ATXN7L1: variants seen among roughly 807,000 people sequenced by gnomAD.
The protein encoded by ATXN7L1 is ataxin-7-like protein 1.
ATXN7L1 carries 15 observed loss-of-function variants against 70.8 expected under a neutral mutation model. That is an observed-to-expected ratio of 0.21 (90% CI 0.14 to 0.33). The LOEUF (loss-of-function observed/expected upper bound fraction) is 0.33. ATXN7L1 is among the 10% of genes least tolerant of loss of function. The pLI is 1.00. For synonymous variants in ATXN7L1, 440 were observed against 445.1 expected, an observed-to-expected ratio of 0.99 and a Z score of 0.14; for missense variants, 975 against 1,097.1, an observed-to-expected ratio of 0.89 and a Z score of 1.57.
chr7:105,669,717 T>A (rs1289964176), intron 3 of ATXN7L1, among the ~76,000 whole-genome samples: 1 of 151,966 alleles, frequency 6.6e-6, no homozygotes, highest in African/African-American at 2.4e-5. Flanking sequence ...GCTGGGAGTT[T>A]GAGACCAGCC....
At chr7:105,733,617 T>TCCAC (rs1563048963) in intron 3 of ATXN7L1, among the ~76,000 whole-genome samples, 6 of 105,774 alleles carry the variant, frequency 5.7e-5, no homozygotes, top group Non-Finnish European at 7.5e-5. Flanking sequence ...CATCCATCCA[T>TCCAC]CCATCCATCC....
chr7:105,786,419 G>C (rs1804314937), intron 3 of ATXN7L1, among the ~76,000 whole-genome samples: 1 of 152,160 alleles, frequency 6.6e-6, no homozygotes, highest in African/African-American at 2.4e-5. Context: ...AACTCTGCAG[G>C]GGACAGCGGG....
chr7:105,705,479 A>C (rs1793036592), intron 3 of ATXN7L1, among the ~76,000 whole-genome samples: 1 of 152,032 alleles, frequency 6.6e-6, no homozygotes, highest in Non-Finnish European at 1.5e-5. Context: ...CGGTTCTTTT[A>C]CTTTTAATTA....
intron 6 of ATXN7L1, among the ~76,000 whole-genome samples, 192 bp downstream of exon 6, chr7:105,639,295 C>CTTCT (rs2115904105): frequency 7.4e-6 from 1 of 135,390 alleles, no homozygotes; most frequent in Non-Finnish European, 1.6e-5. Context: ...TTTTTTTCTC[C>CTTCT]TTCTTAAAAA....
At chr7:105,778,236 G>A (rs1803008768) in intron 3 of ATXN7L1, among the ~76,000 whole-genome samples, 1 of 151,790 alleles carries the variant, frequency 6.6e-6, no homozygotes, top group South Asian at 2.1e-4. Flanking sequence ...GCTGAATGTG[G>A]TGGCTCATAC....
chr7:105,693,329 C>T (rs1160507009), intron 3 of ATXN7L1, among the ~76,000 whole-genome samples: 1 of 152,106 alleles, frequency 6.6e-6, no homozygotes, highest in Non-Finnish European at 1.5e-5. Flanking sequence ...GTAGCTGGGA[C>T]TATAGGTGTC....
At chr7:105,706,200 CTT>C (rs368132326) in intron 3 of ATXN7L1, among the ~76,000 whole-genome samples, 4 of 145,836 alleles carry the variant, frequency 2.7e-5, no homozygotes, top group Non-Finnish European at 3.0e-5. Context: ...TTGTTTTTGT[CTT>C]TTTTTTTTTG....
chr7:105,822,390 G>C (rs1182542832), intron 2 of ATXN7L1, among the ~76,000 whole-genome samples: 1 of 152,232 alleles, frequency 6.6e-6, no homozygotes, highest in Non-Finnish European at 1.5e-5. Context: ...ATTTGGGCTT[G>C]AGTTGCTTTG....
intron 2 of ATXN7L1, among the ~76,000 whole-genome samples, chr7:105,832,366 C>G (rs527342359): frequency 6.6e-6 from 1 of 152,326 alleles, no homozygotes; most frequent in South Asian, 2.1e-4. Flanking sequence ...GCCTTCATAA[C>G]AACACCTGAC....
At position 105,666,002 on chromosome 7, in the gene ATXN7L1, C is replaced by A. The variant is rs1280236273; in HGVS notation, c.356-714G>T. ...AATACCAGAGCTCTGGGCAGAGATGCCTCACTTGTTCACATTCTGTTAGCC... is the reference window on the plus strand; with the variant it reads ...AATACCAGAGCTCTGGGCAGAGATGACTCACTTGTTCACATTCTGTTAGCC... On this transcript the variant is annotated intron_variant, in intron 3 of 11. Coordinates refer to ENST00000419735, the MANE Select transcript of ATXN7L1 (RefSeq NM_020725.2). Among the ~76,000 whole-genome samples the A allele has an allele frequency of 3.3e-5, 5 of 152,184 alleles. No individual in the cohort carries two copies. In the East Asian group the frequency reaches 7.7e-4, roughly 23 times the overall value.
chr7:105,816,641 T>C (rs1809243169), intron 2 of ATXN7L1, among the ~76,000 whole-genome samples: 2 of 152,218 alleles, frequency 1.3e-5, no homozygotes, highest in African/African-American at 4.8e-5. Flanking sequence ...ACCTTCACCA[T>C]ACCTGTTCCT....
At chr7:105,722,445 C>A (rs1795291703) in intron 3 of ATXN7L1, among the ~76,000 whole-genome samples, 1 of 151,446 alleles carries the variant, frequency 6.6e-6, no homozygotes, top group Non-Finnish European at 1.5e-5. Context: ...GCCTATAGTT[C>A]CAGCTACTCA....
Position 105,619,129 on chromosome 7 carries a change from T to C in ATXN7L1, c.1517+1071A>G, listed in dbSNP as rs777532781. ...ATTAGCAATTGGTCCACAACCATAATGAAATCTTTAGTTTTTTTTTTTTTT... is the reference window on the plus strand; with the variant it reads ...ATTAGCAATTGGTCCACAACCATAACGAAATCTTTAGTTTTTTTTTTTTTT... On this transcript the variant is annotated intron_variant, in intron 9 of 11. Transcript: ENST00000419735. Among the ~76,000 whole-genome samples, 138 of 141,446 alleles carry C rather than the reference T, an allele frequency of 9.8e-4. 1 individual carries two copies. Among genetic ancestry groups the C allele is most frequent in the Non-Finnish European group, 3.8e-4 (25 of 65,454 alleles). The allele number at this position is 141,446 out of a possible 152,430, so 92.8% of individuals were successfully genotyped here.
In ATXN7L1 at chr7:105,614,049, T is replaced by C. The variant is rs1317134116; in HGVS notation, c.2285A>G (p.His762Arg). The change falls in exon 10 of 12, where the codon CAC (histidine) becomes CGC (arginine). Residue 762 changes from histidine to arginine, a missense_variant. His to Arg is a conservative substitution (Grantham distance 29, BLOSUM62 0). This residue lies in a region of ATXN7L1 where 635 missense variants were observed against 699.4 expected (regional missense o/e 0.91). Coordinates refer to ENST00000419735, the MANE Select transcript of ATXN7L1 (RefSeq NM_020725.2). This position sits in a 1 kb window ranked among gnomAD's most constrained non-coding sequence, Gnocchi z 4.3. Reference sequence around the variant, plus strand: ...GAGGGGCAGAGAAGACACAGCATTGTGTGAGGCCAGAGAGAGGTCCCCTGC... The same window carrying C: ...GAGGGGCAGAGAAGACACAGCATTGCGTGAGGCCAGAGAGAGGTCCCCTGC... ...LHAGDLSLAS[H>R]NAVSSLPLSF... The C allele has an allele frequency of 6.4e-7, 1 of 1,551,918 alleles. No individual in the cohort carries two copies. The highest frequency in any genetic ancestry group is 2.0e-5 in the Admixed American group (1 of 51,018).
intron 2 of ATXN7L1, among the ~76,000 whole-genome samples, chr7:105,804,349 G>A (rs924956466): frequency 1.3e-5 from 2 of 152,208 alleles, no homozygotes; most frequent in African/African-American, 4.8e-5. Flanking sequence ...TCCCCGACAT[G>A]TGCATGTATG....
chr7:105,651,831 T>C (rs1232250287), intron 4 of ATXN7L1, among the ~76,000 whole-genome samples: 1 of 152,158 alleles, frequency 6.6e-6, no homozygotes, highest in South Asian at 2.1e-4. Flanking sequence ...TCCTGAAGTA[T>C]GTTAGGCATT....
intron 2 of ATXN7L1, among the ~76,000 whole-genome samples, chr7:105,791,906 T>A (rs1460014172): frequency 6.6e-6 from 1 of 152,122 alleles, no homozygotes; most frequent in African/African-American, 2.4e-5. Flanking sequence ...TAACAAAAAT[T>A]TCTTGAACAT....
intron 3 of ATXN7L1, among the ~76,000 whole-genome samples, chr7:105,690,059 C>CAATG (rs1790553445): frequency 6.6e-6 from 1 of 152,232 alleles, no homozygotes; most frequent in Non-Finnish European, 1.5e-5. Context: ...GGCTGGAGTG[C>CAATG]AATGGCGCGC....
At chr7:105,631,891 C>A (rs1796651091) in intron 7 of ATXN7L1, among the ~76,000 whole-genome samples, 1 of 152,224 alleles carries the variant, frequency 6.6e-6, no homozygotes, top group African/African-American at 2.4e-5. Flanking sequence ...GGGCTGGACA[C>A]AGTGGAACTG....
Sources: gnomAD v4.1 joint callset for allele counts (sites outside exome capture counted in the v4.1 genomes callset) on GRCh38, gnomAD v4.1.1 for gene constraint, gnomAD v4.1.1 regional missense constraint, Gnocchi (gnomAD v3.1) non-coding constraint, MANE v1.5 for transcripts, NCBI Gene and HGNC (gene_info 2026-07-23, HGNC 2026-07-21) for gene names.